The following DPH6 variants were observed in gnomAD, a reference collection of about 807,000 sequenced individuals.
DPH6 encodes diphthamine biosynthesis 6.
In DPH6, 33 loss-of-function variants were observed where a neutral mutation model predicts 38.2. The ratio of observed to expected loss-of-function variants is 0.86; its 90% confidence interval spans 0.65 to 1.15. The LOEUF (loss-of-function observed/expected upper bound fraction) is 1.15. Among genes scored for constraint, DPH6 ranks in the 50% most tolerant of loss-of-function variants. The pLI is 0.00. For synonymous variants in DPH6, 108 were observed against 103.0 expected (o/e 1.05, Z -0.30); for missense variants, 325 against 320.0 (o/e 1.02, Z -0.12).
chr15:35,542,945 A>AATATAT lies in DPH6; in HGVS notation c.24-444_24-439dup, dbSNP rs67141062. On this transcript the variant is annotated intron_variant, in intron 1 of 8. Transcript: ENST00000256538. Reference sequence around the variant, plus strand: ...ATAATATATATTATTCCACTTAAGGAATATATATATATATATATATAAAAT... The same window carrying AATATAT: ...ATAATATATATTATTCCACTTAAGGAATATATATATATATATATATATATATAAAAT... Among the ~76,000 whole-genome samples, 78 of 30,228 alleles carry AATATAT rather than the reference A, an allele frequency of 2.6e-3. 7 individuals carry two copies. Among genetic ancestry groups the AATATAT allele is most frequent in the South Asian group, 0.019 (8 of 428 alleles). 19.8% of individuals were successfully genotyped at this position (30,228 alleles called of 152,430 possible). A position where few individuals can be genotyped will look rare whatever the true frequency, so the allele number is the denominator to read the frequency against.
chr15:35,261,913 TA>T (rs1017217706), intron 3 of DPH6, among the ~76,000 whole-genome samples: 4 of 152,062 alleles, frequency 2.6e-5, no homozygotes, highest in African/African-American at 9.7e-5. Context: ...AAACATAGAT[TA>T]AAATAGTTTC....
chr15:35,390,914 C>A (rs1443092897), intron 6 of DPH6, among the ~76,000 whole-genome samples: 3 of 152,190 alleles, frequency 2.0e-5, no homozygotes. Flanking sequence ...GGAGGAGAGG[C>A]ACTCTGATTT....
chr15:35,546,031 G>A (rs1178551478), intron 1 of DPH6, 88 bp downstream of exon 1: 12 of 1,189,160 alleles, frequency 1.0e-5, no homozygotes, highest in South Asian at 8.0e-5. Flanking sequence ...GACTCAGACG[G>A]AGACACCCAC....
Position 35,371,746 on chromosome 15 carries a change from A to G in DPH6, c.*404T>C. On this transcript the variant is annotated 3_prime_UTR_variant, in exon 9 of 9. Transcript: ENST00000256538. Reference sequence around the variant, plus strand: ...TAAGCTTGACTGGCTAAATAAAGTGACCATCTTTTCATCTTCATTTTCAAA... The same window carrying G: ...TAAGCTTGACTGGCTAAATAAAGTGGCCATCTTTTCATCTTCATTTTCAAA... 1.2e-5 allele frequency: 12 copies of G among 988,918 alleles called. No individual in the cohort carries two copies. Among genetic ancestry groups the G allele is most frequent in the Non-Finnish European group, 1.2e-5 (10 of 832,556 alleles). 61.3% of individuals were successfully genotyped at this position (988,918 alleles called of 1,614,324 possible).
At chr15:35,280,949 T>G (rs534561764) in intron 3 of DPH6, among the ~76,000 whole-genome samples, 93 of 152,312 alleles carry the variant, frequency 6.1e-4, no homozygotes, top group Non-Finnish European at 1.1e-3. Flanking sequence ...TATATATTTT[T>G]TGTGACTTTT....
intron 3 of DPH6, among the ~76,000 whole-genome samples, chr15:35,460,466 G>A (rs571340977): frequency 6.6e-6 from 1 of 152,082 alleles, no homozygotes; most frequent in Non-Finnish European, 1.5e-5. Context: ...AAACCACAGG[G>A]GCTCTCCGAC....
chr15:35,256,194 C>G (rs981184964), intron 3 of DPH6, among the ~76,000 whole-genome samples: 2 of 152,014 alleles, frequency 1.3e-5, no homozygotes, highest in African/African-American at 4.8e-5. Context: ...TTATCTAAAG[C>G]ACATATTTAA....
At chr15:35,521,323 C>T in intron 3 of DPH6, 5 of 999,752 alleles carry the variant, frequency 5.0e-6, no homozygotes, top group Non-Finnish European at 4.8e-6. Flanking sequence ...TAATAAACAA[C>T]CTTTTTTAAT....
At chr15:35,308,413 C>T (rs1197838799) in intron 3 of DPH6, among the ~76,000 whole-genome samples, 1 of 151,488 alleles carries the variant, frequency 6.6e-6, no homozygotes, top group Non-Finnish European at 1.5e-5. Flanking sequence ...TATTTCCAAC[C>T]AAAAATAAAA....
At position 35,371,900 on chromosome 15, in the gene DPH6, G is replaced by T; in HGVS notation, c.*250C>A. ...TATAGATGAAATAAAAGAAAAAAAA[G>T]GTCATAGGGAAGATGTGTTAACGAA... On this transcript the variant is annotated 3_prime_UTR_variant, in exon 9 of 9. Transcript: ENST00000256538. The T allele has an allele frequency of 8.6e-7, 1 of 1,159,306 alleles. No individual in the cohort carries two copies. Among genetic ancestry groups the T allele is most frequent in the East Asian group, 5.1e-5 (1 of 19,532 alleles). 71.8% of individuals were successfully genotyped at this position (1,159,306 alleles called of 1,614,324 possible).
chr15:35,306,157 TA>T (rs2052089137), intron 3 of DPH6, among the ~76,000 whole-genome samples: 1 of 152,236 alleles, frequency 6.6e-6, no homozygotes, highest in Non-Finnish European at 1.5e-5. Flanking sequence ...CAGCTCATTC[TA>T]TAAGAATGCT....
At chr15:35,431,996 C>T (rs1031957622) in intron 5 of DPH6, among the ~76,000 whole-genome samples, 4 of 152,132 alleles carry the variant, frequency 2.6e-5, no homozygotes, top group Non-Finnish European at 5.9e-5. Context: ...TCAATACTTA[C>T]TATGACTCAT....
intron 2 of DPH6, among the ~76,000 whole-genome samples, chr15:35,541,810 C>T (rs1327730183): frequency 6.6e-6 from 1 of 151,902 alleles, no homozygotes; most frequent in Non-Finnish European, 1.5e-5. Flanking sequence ...GGGGATATTT[C>T]ATTGGAGAAA....
chr15:35,406,220 G>C (rs1256204407), intron 6 of DPH6, among the ~76,000 whole-genome samples: 2 of 151,966 alleles, frequency 1.3e-5, no homozygotes, highest in Non-Finnish European at 2.9e-5. Context: ...CATGCAGAGA[G>C]GGAAGGATAA....
chr15:35,323,067 A>T (rs2052253948), intron 3 of DPH6, among the ~76,000 whole-genome samples: 1 of 152,218 alleles, frequency 6.6e-6, no homozygotes, highest in South Asian at 2.1e-4. Flanking sequence ...AAAGAATAAA[A>T]GAAAAAATGA....
chr15:35,469,548 T>C (rs778909319), intron 3 of DPH6, among the ~76,000 whole-genome samples: 1 of 152,184 alleles, frequency 6.6e-6, no homozygotes, highest in African/African-American at 2.4e-5. Flanking sequence ...TGGTGTTATA[T>C]GGCCGAGAAA....
intron 5 of DPH6, among the ~76,000 whole-genome samples, chr15:35,418,667 C>A (rs923196765): frequency 6.6e-6 from 1 of 151,982 alleles, no homozygotes; most frequent in Admixed American, 6.6e-5. Flanking sequence ...GAAGTTAATG[C>A]CTGTTTTATT....
At chr15:35,490,277 G>A in intron 3 of DPH6, 1 of 772,034 alleles carries the variant, frequency 1.3e-6, no homozygotes, top group Non-Finnish European at 1.6e-6. Context: ...CATAAAGAGA[G>A]GTTTGTAGTA....
At position 35,371,074 on chromosome 15, in the gene DPH6, G is replaced by A. The variant is rs2052707608; in HGVS notation, c.*1076C>T. ...CCTAAATGCATATTAATACATGAAA[G>A]AAGCCAATCTGAAAAGCTATATACT... On this transcript the variant is annotated 3_prime_UTR_variant, in exon 9 of 9. Coordinates refer to ENST00000256538, the MANE Select transcript of DPH6 (RefSeq NM_080650.4). The A allele has an allele frequency of 6.6e-6, 1 of 151,498 alleles. No individual in the cohort carries two copies. The highest frequency in any genetic ancestry group is 1.5e-5 in the Non-Finnish European group (1 of 67,700). 9.4% of individuals were successfully genotyped at this position (151,498 alleles called of 1,614,324 possible). A position where few individuals can be genotyped will look rare whatever the true frequency, so the allele number is the denominator to read the frequency against.
Sources: allele counts gnomAD v4.1 joint callset (sites outside exome capture counted in the v4.1 genomes callset), GRCh38; gene constraint gnomAD v4.1.1; transcripts MANE v1.5; gene names NCBI Gene and HGNC (gene_info 2026-07-23, HGNC 2026-07-21).